TTC28: variants seen among roughly 807,000 people sequenced by gnomAD.
TTC28 encodes the protein tetratricopeptide repeat protein 28.
In TTC28, 61 loss-of-function variants were observed where a neutral mutation model predicts 198.0. The observed-to-expected ratio is 0.31, with a 90% CI of 0.25 to 0.38. The LOEUF (loss-of-function observed/expected upper bound fraction) is 0.38, where lower values mean the gene tolerates loss of function less well. TTC28 is among the 10% of genes least tolerant of loss of function. TTC28 has a pLI of 1.00. For missense variants in TTC28, 2,678 were observed against 3,164.0 expected (o/e 0.85, Z 3.69); for synonymous variants, 1,171 against 1,297.8 (o/e 0.90, Z 2.10).
intron 2 of TTC28, among the ~76,000 whole-genome samples, chr22:28,464,267 G>A (rs2047989224): frequency 6.6e-6 from 1 of 152,190 alleles, no homozygotes; most frequent in African/African-American, 2.4e-5. Context: ...CTTTGAACTG[G>A]ATGTGATACT....
At chr22:28,359,084 A>G (rs2046119932) in intron 2 of TTC28, among the ~76,000 whole-genome samples, 1 of 152,214 alleles carries the variant, frequency 6.6e-6, no homozygotes, top group Admixed American at 6.5e-5. Context: ...CATCATTAAT[A>G]AGAACATTCC....
chr22:28,128,328 A>C (rs1435456609), intron 6 of TTC28, among the ~76,000 whole-genome samples: 3 of 152,226 alleles, frequency 2.0e-5, no homozygotes, highest in Non-Finnish European at 4.4e-5. Flanking sequence ...AAAAAAACAA[A>C]AAAAAAAGTA....
At chr22:28,166,227 G>A (rs572694151) in intron 5 of TTC28, among the ~76,000 whole-genome samples, 2 of 152,256 alleles carry the variant, frequency 1.3e-5, no homozygotes, top group Non-Finnish European at 2.9e-5. Flanking sequence ...ATAATAATGG[G>A]AGACTTTAAA....
Position 27,998,875 on chromosome 22 carries a change from A to G in TTC28, c.4784T>C (p.Ile1595Thr), listed in dbSNP as rs2146541344. 2 of 1,550,224 alleles carry G rather than the reference A, an allele frequency of 1.3e-6. No homozygotes were observed. The change falls in exon 16 of 23, where the codon ATC becomes ACC. Residue 1595 changes from isoleucine to threonine, a missense_variant. By Grantham distance (89) the Ile-to-Thr change is moderately conservative (BLOSUM62 -1). This residue lies in a region of TTC28 where 727 missense variants were observed against 861.9 expected (regional missense o/e 0.84). Transcript: ENST00000397906. ...CTCCTGCAGGGGCGGGCAGTCCGAG[A>G]TGCTCTCCCCATCACTGGCATCGTC... ...VQDDASDGES[I>T]SDCPPLQELL...
chr22:28,213,960 C>T (rs1171796752), intron 5 of TTC28, among the ~76,000 whole-genome samples: 1 of 152,078 alleles, frequency 6.6e-6, no homozygotes, highest in African/African-American at 2.4e-5. Context: ...GAACAGAGCC[C>T]TCAGAAATAA....
In TTC28 at chr22:28,234,019, G is replaced by T. The variant is rs555034557; in HGVS notation, c.933+62179C>A. On this transcript the variant is annotated intron_variant, in intron 5 of 22. Coordinates refer to ENST00000397906, the MANE Select transcript of TTC28 (RefSeq NM_001145418.2). ...CCTCCCGGGTTCACGCTGTTCTCCT[G>T]CCTCAGCCTCCCGAGTAGCTGGGAC... Among the ~76,000 whole-genome samples, 5 of 151,480 alleles carry T rather than the reference G, an allele frequency of 3.3e-5. No individual in the cohort carries two copies. The South Asian group carries it at 1.0e-3, about 32-fold the overall frequency.
chr22:28,032,412 C>T (rs1206799990), intron 12 of TTC28, among the ~76,000 whole-genome samples: 1 of 150,792 alleles, frequency 6.6e-6, no homozygotes, highest in Non-Finnish European at 1.5e-5. Context: ...AAAGTCCTGG[C>T]TATTAGCCTG....
chr22:28,336,251 T>C (rs1414962200), intron 2 of TTC28, among the ~76,000 whole-genome samples: 5 of 152,360 alleles, frequency 3.3e-5, no homozygotes, highest in East Asian at 1.9e-4. Context: ...CAGTATTTTA[T>C]TGAGGATTTT....
intron 2 of TTC28, among the ~76,000 whole-genome samples, chr22:28,624,942 T>TCCCCCA (rs2051055483): frequency 6.6e-6 from 1 of 152,194 alleles, no homozygotes; most frequent in South Asian, 2.1e-4. Flanking sequence ...ATTTAGTTGA[T>TCCCCCA]TTAATATCCC....
chr22:28,163,673 T>A, intron 5 of TTC28, 74 bp from the exon 6 acceptor site: 1 of 1,446,586 alleles, frequency 6.9e-7, no homozygotes, highest in Non-Finnish European at 9.1e-7. Context: ...CAGATAAAAT[T>A]TTACAGGTTG....
Position 28,105,448 on chromosome 22 carries a change from A to T in TTC28, c.3138T>A (p.Thr1046=), listed in dbSNP as rs757938106. 3 of 1,551,552 alleles carry T rather than the reference A, an allele frequency of 1.9e-6. No individual in the cohort carries two copies. In the South Asian group the frequency reaches 3.6e-5, roughly 18 times the overall value. ...QGRAYGNLGL[T]YESLGTFERA... ...TCTCGAAGGTGCCCAGGGATTCATAAGTCAGGCCCAGGTTCCCATAGGCTC... is the reference window on the plus strand; with the variant it reads ...TCTCGAAGGTGCCCAGGGATTCATATGTCAGGCCCAGGTTCCCATAGGCTC... The change falls in exon 8 of 23, where the codon ACT becomes ACA. Residue 1046 remains threonine (T), a synonymous_variant. Transcript: ENST00000397906.
At chr22:28,504,442 G>A (rs1474912320) in intron 2 of TTC28, among the ~76,000 whole-genome samples, 1 of 151,830 alleles carries the variant, frequency 6.6e-6, no homozygotes, top group African/African-American at 2.4e-5. Context: ...ACATACATAT[G>A]TGTGTATATG....
At chr22:28,374,180 TTCAAAATTACAATG>T (rs2046376840) in intron 2 of TTC28, among the ~76,000 whole-genome samples, 1 of 152,204 alleles carries the variant, frequency 6.6e-6, no homozygotes, top group Non-Finnish European at 1.5e-5. Flanking sequence ...GACATTTGCT[TTCAAAATTACAATG>T]TCTCAAGAGT....
chr22:28,592,552 A>G (rs527294170), intron 2 of TTC28, among the ~76,000 whole-genome samples: 2 of 152,182 alleles, frequency 1.3e-5, no homozygotes, highest in East Asian at 3.8e-4. Context: ...CTTCATTTAT[A>G]TGATTGGTTA....
chr22:28,537,301 A>ATAACATAACATAAC (rs1569009000), intron 2 of TTC28, among the ~76,000 whole-genome samples: 14 of 124,156 alleles, frequency 1.1e-4, no homozygotes, highest in East Asian at 9.2e-4. Context: ...TCAAAAATAA[A>ATAACATAACATAAC]ATAAAATAAA....
At chr22:28,294,120 T>C (rs536159552) in intron 5 of TTC28, among the ~76,000 whole-genome samples, 1 of 152,294 alleles carries the variant, frequency 6.6e-6, no homozygotes, top group South Asian at 2.1e-4. Context: ...CTATTACTTA[T>C]ACATAAGGAG....
At chr22:28,387,326 C>A (rs532848832) in intron 2 of TTC28, among the ~76,000 whole-genome samples, 1,560 of 152,266 alleles carry the variant, frequency 0.01, 30 homozygotes, top group African/African-American at 0.036. Flanking sequence ...GTCTTTATAG[C>A]AGCATGATTT....
chr22:28,302,632 T>A (rs1427998000), intron 3 of TTC28, among the ~76,000 whole-genome samples: 1 of 152,202 alleles, frequency 6.6e-6, no homozygotes, highest in Admixed American at 6.5e-5. Flanking sequence ...TAGATTCCAA[T>A]CTTTTGGGGG....
At chr22:28,495,612 A>G (rs527275192) in intron 2 of TTC28, among the ~76,000 whole-genome samples, 3 of 152,334 alleles carry the variant, frequency 2.0e-5, no homozygotes, top group African/African-American at 7.2e-5. Context: ...TATGGGATAC[A>G]AAAAATAGTG....
Sources: allele counts gnomAD v4.1 joint callset (sites outside exome capture counted in the v4.1 genomes callset), GRCh38; gene constraint gnomAD v4.1.1; regional missense constraint gnomAD v4.1.1; transcripts MANE v1.5; gene names NCBI Gene and HGNC (gene_info 2026-07-23, HGNC 2026-07-21).